FOXP1: variants seen among roughly 807,000 people sequenced by gnomAD.
The protein encoded by FOXP1 is forkhead box P1.
A neutral mutation model predicts 98.2 loss-of-function variants in FOXP1; 15 were observed. That is an observed-to-expected ratio of 0.15 (90% CI 0.10 to 0.24). The LOEUF is 0.24. FOXP1 is among the 10% of genes least tolerant of loss of function. The probability of loss-of-function intolerance (pLI) is 1.00; values close to 1 mark genes in which losing one functional copy is unlikely to be tolerated. For missense variants in FOXP1, 633 were observed against 848.5 expected (o/e 0.75, Z 3.15); for synonymous variants, 371 against 314.5 (o/e 1.18, Z -1.90).
chr3:71,527,042 G>A (rs929522062), intron 2 of FOXP1, among the ~76,000 whole-genome samples: 2 of 151,512 alleles, frequency 1.3e-5, no homozygotes, highest in Non-Finnish European at 2.9e-5. Context: ...GGGCACTACT[G>A]TATATGCAAG....
chr3:71,285,381 C>T (rs2072005353), intron 5 of FOXP1, among the ~76,000 whole-genome samples: 1 of 152,094 alleles, frequency 6.6e-6, no homozygotes, highest in Non-Finnish European at 1.5e-5. Flanking sequence ...CAGGATAATT[C>T]TAACTTTATA....
intron 2 of FOXP1, among the ~76,000 whole-genome samples, chr3:71,576,615 T>A (rs189543873): frequency 6.6e-6 from 1 of 152,362 alleles, no homozygotes. Flanking sequence ...GTACTCAGAC[T>A]GAAGGAACTA....
chr3:71,228,865 C>G (rs1302415417), intron 5 of FOXP1, among the ~76,000 whole-genome samples: 1 of 151,932 alleles, frequency 6.6e-6, no homozygotes, highest in African/African-American at 2.4e-5. Context: ...AAGGGCAATG[C>G]CACAGCAAAA....
intron 2 of FOXP1, among the ~76,000 whole-genome samples, chr3:71,550,175 G>A (rs1025929452): frequency 2.0e-5 from 3 of 152,082 alleles, no homozygotes; most frequent in African/African-American, 4.8e-5. Flanking sequence ...TACAAAGCGG[G>A]GAGAGGAGGA....
chr3:71,436,201 C>G (rs575060190), intron 3 of FOXP1, among the ~76,000 whole-genome samples: 4 of 152,048 alleles, frequency 2.6e-5, no homozygotes, highest in Admixed American at 1.3e-4. Context: ...ATTGTCTCCC[C>G]GCAACAGCCC....
intron 5 of FOXP1, among the ~76,000 whole-genome samples, chr3:71,240,498 G>C (rs577654976): frequency 2.0e-5 from 3 of 152,146 alleles, no homozygotes; most frequent in Non-Finnish European, 4.4e-5. Context: ...GGGGAAAAAA[G>C]AAGTTCCTTT....
chr3:71,515,914 A>G (rs538426907), intron 2 of FOXP1, among the ~76,000 whole-genome samples: 3 of 152,344 alleles, frequency 2.0e-5, no homozygotes, highest in Non-Finnish European at 4.4e-5. Context: ...TTTCAAAATG[A>G]TTTTGTTTGC....
At chr3:71,186,878 T>C (rs949268181) in intron 6 of FOXP1, among the ~76,000 whole-genome samples, 84 of 152,340 alleles carry the variant, frequency 5.5e-4, no homozygotes, top group African/African-American at 1.9e-3. Context: ...AATCCAGAGA[T>C]TGACAAACTT....
intron 19 of FOXP1, among the ~76,000 whole-genome samples, chr3:70,967,672 GAAC>G (rs1362104683): frequency 6.3e-5 from 8 of 126,324 alleles, no homozygotes; most frequent in Admixed American, 4.0e-4. Context: ...GCAGTTGCCA[GAAC>G]TACTATTATT....
At chr3:71,406,422 T>C (rs989523147) in intron 3 of FOXP1, among the ~76,000 whole-genome samples, 7 of 144,748 alleles carry the variant, frequency 4.8e-5, no homozygotes, top group Non-Finnish European at 9.3e-5. Context: ...TATATATATA[T>C]ATGGTACAGT....
rs770712857 is a variant in FOXP1 at position 70,965,983 on chromosome 3, G to A, written c.1796C>T (p.Ala599Val). The change falls in exon 20 of 21, where the codon GCC becomes GTC. Residue 599 changes from alanine (A) to valine (V), a missense_variant. Coordinates refer to ENST00000649528, the MANE Select transcript of FOXP1 (RefSeq NM_001349338.3). ...GTTCAGCTCTTCCCGTATTGCGCTG[G>A]CTAAGTTGCCCAGAGTGGGATTTCC... Reference protein sequence around the residue: ...SMGNPTLGNLASAIREELNGA... With the variant: ...SMGNPTLGNLVSAIREELNGA... The A allele has an allele frequency of 1.2e-6, 2 of 1,613,988 alleles. No homozygotes were observed. The highest frequency in any genetic ancestry group is 1.7e-5 in the Admixed American group (1 of 59,992).
At chr3:71,367,740 G>C (rs1446821229) in intron 3 of FOXP1, among the ~76,000 whole-genome samples, 1 of 152,144 alleles carries the variant, frequency 6.6e-6, no homozygotes, top group Non-Finnish European at 1.5e-5. Context: ...AGTGAGATTA[G>C]TGAACAGAAA....
chr3:71,047,152 T>C, intron 9 of FOXP1, 57 bp from the exon 10 acceptor site: 1 of 1,592,544 alleles, frequency 6.3e-7, no homozygotes, highest in Non-Finnish European at 8.6e-7. Context: ...AGGTTAAAAG[T>C]ATGGACACTT....
At chr3:70,986,912 C>G (rs1387726586) in intron 14 of FOXP1, among the ~76,000 whole-genome samples, 1 of 152,196 alleles carries the variant, frequency 6.6e-6, no homozygotes, top group Admixed American at 6.5e-5. Flanking sequence ...GGTTAATAGT[C>G]TGACTCCGTT....
chr3:71,145,646 C>CCA (rs1455860410), intron 6 of FOXP1, among the ~76,000 whole-genome samples: 1 of 152,220 alleles, frequency 6.6e-6, no homozygotes, highest in Non-Finnish European at 1.5e-5. Flanking sequence ...TTCACTTGCT[C>CCA]CACATCTTCA....
At chr3:71,303,149 C>T (rs1305084500) in intron 4 of FOXP1, among the ~76,000 whole-genome samples, 2 of 152,098 alleles carry the variant, frequency 1.3e-5, no homozygotes, top group East Asian at 1.9e-4. Flanking sequence ...AGTATTTCCC[C>T]CTTCCCTTTC....
intron 6 of FOXP1, among the ~76,000 whole-genome samples, chr3:71,163,799 G>A (rs1164987303): frequency 6.6e-6 from 1 of 152,022 alleles, no homozygotes; most frequent in Non-Finnish European, 1.5e-5. Context: ...AAAACAAACA[G>A]TTTCAAGCAG....
At chr3:71,508,541 G>A (rs1248429624) in intron 2 of FOXP1, among the ~76,000 whole-genome samples, 3 of 152,168 alleles carry the variant, frequency 2.0e-5, no homozygotes. Context: ...AGGCAGGTAT[G>A]TACAGGGCTT....
chr3:71,386,152 T>G (rs919357762), intron 3 of FOXP1, among the ~76,000 whole-genome samples: 4 of 152,184 alleles, frequency 2.6e-5, no homozygotes, highest in African/African-American at 9.6e-5. Flanking sequence ...AACACTCAAC[T>G]GCAGACTGTA....
Sources: allele counts gnomAD v4.1 joint callset (sites outside exome capture counted in the v4.1 genomes callset), GRCh38; gene constraint gnomAD v4.1.1; transcripts MANE v1.5; gene names NCBI Gene and HGNC (gene_info 2026-07-23, HGNC 2026-07-21).